DCC: variants seen among roughly 807,000 people sequenced by gnomAD.
DCC encodes DCC netrin 1 receptor.
DCC carries 58 observed loss-of-function variants against 172.5 expected under a neutral mutation model. The ratio of observed to expected loss-of-function variants is 0.34; its 90% CI spans 0.27 to 0.42. DCC has a LOEUF of 0.42. Among genes scored for constraint, DCC ranks in the 10% least tolerant of loss-of-function variants. The pLI is 1.00. For synonymous variants in DCC, 709 were observed against 644.5 expected, an observed-to-expected ratio of 1.10 and a Z score of -1.52; for missense variants, 1,740 against 1,791.0, an observed-to-expected ratio of 0.97 and a Z score of 0.51.
intron 1 of DCC, among the ~76,000 whole-genome samples, chr18:52,498,044 G>A (rs190433829): frequency 5.9e-5 from 9 of 152,264 alleles, no homozygotes; most frequent in Admixed American, 1.3e-4. Context: ...GAATAAGTGT[G>A]GCTGTGCTAT....
At chr18:53,066,267 G>A in intron 7 of DCC, 101 bp downstream of exon 7, 4 of 1,121,090 alleles carry the variant, frequency 3.6e-6, no homozygotes, top group Non-Finnish European at 5.4e-6. Flanking sequence ...GGGCAATATG[G>A]CAATATGAAA....
At chr18:52,379,060 C>T (rs1480610400) in intron 1 of DCC, among the ~76,000 whole-genome samples, 1 of 152,128 alleles carries the variant, frequency 6.6e-6, no homozygotes, top group Non-Finnish European at 1.5e-5. Context: ...GCATCTTGTG[C>T]CTCATTATTA....
At chr18:53,261,218 A>G (rs1385939984) in intron 12 of DCC, among the ~76,000 whole-genome samples, 2 of 152,120 alleles carry the variant, frequency 1.3e-5, no homozygotes, top group Non-Finnish European at 2.9e-5. Context: ...TCCTGCACCC[A>G]CTGCCTGACA....
intron 7 of DCC, among the ~76,000 whole-genome samples, chr18:53,112,317 T>G (rs1339889130): frequency 6.6e-6 from 1 of 151,568 alleles, no homozygotes; most frequent in African/African-American, 2.4e-5. Flanking sequence ...ATTAAGTGAA[T>G]ATATACTCTG....
intron 27 of DCC, among the ~76,000 whole-genome samples, chr18:53,525,365 CA>C (rs2046443112): frequency 6.6e-6 from 1 of 152,058 alleles, no homozygotes; most frequent in South Asian, 2.1e-4. Context: ...CGCTTCTCAT[CA>C]GAGGTACCAC....
intron 3 of DCC, 67 bp from the exon 4 acceptor site, chr18:52,923,640 C>T (rs1205195195): frequency 1.6e-6 from 2 of 1,285,520 alleles, no homozygotes; most frequent in Admixed American, 1.7e-5. Flanking sequence ...GGAAAAAAAT[C>T]AAAATATATC....
At chr18:52,414,079 G>T (rs929521649) in intron 1 of DCC, among the ~76,000 whole-genome samples, 2 of 152,034 alleles carry the variant, frequency 1.3e-5, no homozygotes, top group African/African-American at 2.4e-5. Context: ...GAGTTGAAAT[G>T]ACTATTTATT....
chr18:52,359,226 C>G (rs890884823), intron 1 of DCC, among the ~76,000 whole-genome samples: 1 of 152,106 alleles, frequency 6.6e-6, no homozygotes, highest in Non-Finnish European at 1.5e-5. Context: ...ACACCATAGG[C>G]TGTTTCATTG....
In DCC at chr18:53,450,580, G is replaced by C; in HGVS notation, c.3310G>C (p.Val1104Leu). Reference protein sequence around the residue: ...KNSNLLVIIVVTVGVITVLVV... With the variant: ...KNSNLLVIIVLTVGVITVLVV... ...CAGCAACCTGCTTGTGATCATTGTG[G>C]TCACCGTTGGTGTCATCACAGTGCT... is the stretch of plus-strand genomic sequence containing the variant. Residue 1104 changes from valine (V) to leucine (L), a missense_variant, in exon 23 of 29, where the codon GTC becomes CTC. Val to Leu is a conservative substitution (Grantham distance 32, BLOSUM62 1). Transcript: ENST00000442544. 1.2e-6 allele frequency: 2 copies of C among 1,611,724 alleles called. No individual in the cohort carries two copies. The highest frequency in any genetic ancestry group is 1.1e-5 in the South Asian group (1 of 90,996).
At chr18:53,226,948 A>ATATATATATATATATATATTTTTTTTTT in intron 12 of DCC, among the ~76,000 whole-genome samples, 6 of 52,946 alleles carry the variant, frequency 1.1e-4, no homozygotes, top group African/African-American at 2.8e-4. Context: ...ATATATATAT[A>ATATATATATATATATATATTTTTTTTTT]TTTTTTTTTT....
At chr18:53,475,833 T>G (rs909060682) in intron 25 of DCC, among the ~76,000 whole-genome samples, 3 of 152,150 alleles carry the variant, frequency 2.0e-5, no homozygotes, top group Admixed American at 1.3e-4. Context: ...ACTGACAGCT[T>G]GCACTGTGCA....
intron 14 of DCC, among the ~76,000 whole-genome samples, chr18:53,329,456 C>G (rs1245721244): frequency 6.6e-6 from 1 of 151,884 alleles, no homozygotes; most frequent in Non-Finnish European, 1.5e-5. Flanking sequence ...CATAGCTTTT[C>G]TTTATAGTAG....
chr18:53,031,227 C>G (rs1228684449), intron 5 of DCC, among the ~76,000 whole-genome samples: 1 of 152,058 alleles, frequency 6.6e-6, no homozygotes, highest in African/African-American at 2.4e-5. Flanking sequence ...CCACTGCACT[C>G]CAGCCTAGGC....
chr18:53,463,526 G>A (rs1450338669), intron 24 of DCC, among the ~76,000 whole-genome samples: 3 of 152,140 alleles, frequency 2.0e-5, no homozygotes, highest in Non-Finnish European at 4.4e-5. Context: ...GGGTTCCTGA[G>A]TAGGCAATAA....
At chr18:53,487,125 C>T (rs988663590) in intron 26 of DCC, among the ~76,000 whole-genome samples, 167 bp downstream of exon 26, 1 of 152,152 alleles carries the variant, frequency 6.6e-6, no homozygotes, top group African/African-American at 2.4e-5. Flanking sequence ...AGCTCATGTG[C>T]ATTTGTACTG....
At chr18:53,350,942 A>G (rs1016329198) in intron 15 of DCC, among the ~76,000 whole-genome samples, 1 of 151,898 alleles carries the variant, frequency 6.6e-6, no homozygotes, top group African/African-American at 2.4e-5. Context: ...ACTTGCTCAG[A>G]GAGAAGTGAG....
intron 2 of DCC, among the ~76,000 whole-genome samples, chr18:52,768,986 C>T (rs2037297827): frequency 6.6e-6 from 1 of 151,774 alleles, no homozygotes; most frequent in African/African-American, 2.4e-5. Flanking sequence ...CCAAAAGGAT[C>T]ATATGTGGGT....
At position 52,923,703 on chromosome 18, in the gene DCC, A is replaced by T. The variant is rs186985326; in HGVS notation, c.698-4A>T. ...TCATATGATACTGTGTTTTCCCCTC[A>T]TAGATCCAGGACTGCATAGACAGCT... On this transcript the variant is annotated splice_polypyrimidine_tract_variant and splice_region_variant and intron_variant, in intron 3 of 28. Transcript: ENST00000442544. 13 of 1,600,616 alleles carry T rather than the reference A, an allele frequency of 8.1e-6. No individual in the cohort carries two copies. In the East Asian group the frequency reaches 2.9e-4, roughly 36 times the overall value.
At chr18:52,859,570 G>C (rs997358479) in intron 2 of DCC, among the ~76,000 whole-genome samples, 3 of 152,304 alleles carry the variant, frequency 2.0e-5, no homozygotes, top group South Asian at 2.1e-4. Flanking sequence ...TTGTTTTGCA[G>C]ATGAGATCAA....
Sources: allele counts gnomAD v4.1 joint callset (sites outside exome capture counted in the v4.1 genomes callset), GRCh38; gene constraint gnomAD v4.1.1; transcripts MANE v1.5; gene names NCBI Gene and HGNC (gene_info 2026-07-23, HGNC 2026-07-21).